Variants in PDE1A observed in about 807,000 individuals in gnomAD.
PDE1A encodes dual specificity calcium/calmodulin-dependent 3',5'-cyclic nucleotide phosphodiesterase 1A.
PDE1A carries 35 observed loss-of-function variants against 61.7 expected under a neutral mutation model. That is an observed-to-expected ratio of 0.57 (90% CI 0.43 to 0.75). PDE1A has a LOEUF of 0.75. PDE1A is among the 30% of genes least tolerant of loss of function. The pLI is 0.00. For synonymous variants in PDE1A, 232 were observed against 213.2 expected (o/e 1.09, Z -0.77); for missense variants, 597 against 630.6 (o/e 0.95, Z 0.57).
At chr2:182,696,384 T>C in the PDE1A span, among the ~76,000 whole-genome samples, 10 of 152,180 alleles carry the variant, frequency 6.6e-5, no homozygotes, top group Non-Finnish European at 1.3e-4. Context: ...TACTGTATGA[T>C]TCCAACTACA....
rs748519072 is a variant in PDE1A, at chr2:182,385,659, G to GA, written c.53+40918dup. Among the ~76,000 whole-genome samples, 40 of 95,034 alleles carry GA rather than the reference G, an allele frequency of 4.2e-4. 1 individual carries two copies. Among genetic ancestry groups the GA allele is most frequent in the East Asian group, 1.4e-3 (3 of 2,166 alleles). The allele number at this position is 95,034 out of a possible 152,430, so 62.3% of individuals were successfully genotyped here. On this transcript the variant is annotated intron_variant, in intron 1 of 13. Transcript: ENST00000351439. Reference sequence around the variant, plus strand: ...AAAGAAGAAGAAAGAAAGAAAGAAAGAAGAAAAAAAGAAAGAAAAGAAAGA... The same window carrying GA: ...AAAGAAGAAGAAAGAAAGAAAGAAAGAAAGAAAAAAAGAAAGAAAAGAAAGA...
chr2:182,481,835 A>G (rs1687719938), intron 2 of PDE1A, among the ~76,000 whole-genome samples: 1 of 151,928 alleles, frequency 6.6e-6, no homozygotes, highest in Admixed American at 6.6e-5. Context: ...AGAATGAGAA[A>G]GTCCCATACT....
At chr2:182,348,384 G>A (rs1260026503) in intron 1 of PDE1A, among the ~76,000 whole-genome samples, 2 of 152,050 alleles carry the variant, frequency 1.3e-5, no homozygotes, top group East Asian at 1.9e-4. Flanking sequence ...CATTGAACAT[G>A]TATAGAACAA....
chr2:182,210,034 C>T (rs1250215046), intron 7 of PDE1A, among the ~76,000 whole-genome samples: 1 of 151,454 alleles, frequency 6.6e-6, no homozygotes, highest in Non-Finnish European at 1.5e-5. Flanking sequence ...TTTATTTATT[C>T]AGTCACCTAC....
chr2:182,298,953 A>G (rs1695059357), intron 1 of PDE1A, among the ~76,000 whole-genome samples: 1 of 152,064 alleles, frequency 6.6e-6, no homozygotes, highest in South Asian at 2.1e-4. Context: ...TTTGACTACA[A>G]CGGAAATTTA....
the PDE1A span, among the ~76,000 whole-genome samples, chr2:182,668,776 C>T: frequency 6.6e-6 from 1 of 152,224 alleles, no homozygotes; most frequent in East Asian, 1.9e-4. Context: ...TCACCATTTC[C>T]TGGCTCCCCA....
the PDE1A span, among the ~76,000 whole-genome samples, chr2:182,714,024 C>T: frequency 6.6e-6 from 1 of 152,230 alleles, no homozygotes; most frequent in East Asian, 1.9e-4. Context: ...ATCTGACTCA[C>T]TCTAACTTCC....
the PDE1A span, among the ~76,000 whole-genome samples, chr2:182,623,862 A>C: frequency 6.6e-6 from 1 of 152,192 alleles, no homozygotes; most frequent in Non-Finnish European, 1.5e-5. Context: ...GCGGTGGCTC[A>C]CGCCTGTAAC....
At chr2:182,333,158 T>A (rs1303733220) in intron 1 of PDE1A, among the ~76,000 whole-genome samples, 1 of 152,156 alleles carries the variant, frequency 6.6e-6, no homozygotes, top group Admixed American at 6.5e-5. Flanking sequence ...ACTGTCAATA[T>A]TAGACAGATC....
the PDE1A span, among the ~76,000 whole-genome samples, chr2:182,538,493 T>A: frequency 6.6e-6 from 1 of 152,104 alleles, no homozygotes; most frequent in Non-Finnish European, 1.5e-5. Context: ...TTATTGTTTA[T>A]TTTTTCTCCA....
At chr2:182,617,314 C>T in the PDE1A span, among the ~76,000 whole-genome samples, 3 of 152,168 alleles carry the variant, frequency 2.0e-5, no homozygotes, top group Non-Finnish European at 4.4e-5. Context: ...CAACACCCCA[C>T]ACATGTTGTC....
At chr2:182,550,903 G>GCCCA in the PDE1A span, among the ~76,000 whole-genome samples, 1 of 152,078 alleles carries the variant, frequency 6.6e-6, no homozygotes, top group Non-Finnish European at 1.5e-5. Context: ...TTGTATGTAA[G>GCCCA]TTCTGTTCAC....
In PDE1A at chr2:182,522,398, C is replaced by T. The variant is rs771524347; in HGVS notation, c.-10-12G>A. ...CCATGATGATGCTCCTAAGACAATA[C>T]AGTTACAGTCAGTTTCAGCAGCTAG... On this transcript the variant is annotated splice_polypyrimidine_tract_variant and intron_variant, in intron 1 of 14. Transcript: ENST00000410103. The T allele has an allele frequency of 2.4e-5, 38 of 1,612,652 alleles. No homozygotes were observed. In the South Asian group the frequency reaches 4.1e-4, roughly 17 times the overall value.
chr2:182,680,666 G>A, the PDE1A span, among the ~76,000 whole-genome samples: 1 of 152,104 alleles, frequency 6.6e-6, no homozygotes, highest in Non-Finnish European at 1.5e-5. Context: ...AGTTTGTGAC[G>A]TTTCACAGCT....
rs973425115 is a variant in PDE1A, at chr2:182,348,776, G to A, written c.53+77802C>T. ...AACCTTACCTTGTGACAGAGCTTTG[G>A]GCTACTAGATGTCTGAGAGGGTAAT... On this transcript the variant is annotated intron_variant, in intron 1 of 13. Transcript: ENST00000351439. Among the ~76,000 whole-genome samples the A allele has an allele frequency of 2.0e-5, 3 of 151,256 alleles. No homozygotes were observed. The Admixed American group carries it at 2.0e-4, about 10-fold the overall frequency.
At chr2:182,647,109 C>A in the PDE1A span, among the ~76,000 whole-genome samples, 1 of 152,036 alleles carries the variant, frequency 6.6e-6, no homozygotes, top group Non-Finnish European at 1.5e-5. Flanking sequence ...TGGAACTGAC[C>A]GAATTAGGAT....
chr2:182,685,732 A>G, the PDE1A span, among the ~76,000 whole-genome samples: 7 of 152,276 alleles, frequency 4.6e-5, no homozygotes, highest in Admixed American at 4.6e-4. Flanking sequence ...TTCAAGGCTC[A>G]CCCTAAACCA....
chr2:182,496,852 C>T (rs866499549), intron 2 of PDE1A, among the ~76,000 whole-genome samples: 1 of 152,296 alleles, frequency 6.6e-6, no homozygotes, highest in East Asian at 1.9e-4. Flanking sequence ...CCCTGACTTC[C>T]GGCTCCTATA....
chr2:182,326,358 T>C (rs1022872106), intron 1 of PDE1A, among the ~76,000 whole-genome samples: 1 of 152,190 alleles, frequency 6.6e-6, no homozygotes, highest in East Asian at 1.9e-4. Flanking sequence ...GTATGACATA[T>C]GCATACAATG....
Sources: gnomAD v4.1 joint callset for allele counts (sites outside exome capture counted in the v4.1 genomes callset) on GRCh38, gnomAD v4.1.1 for gene constraint, MANE v1.5 for transcripts, NCBI Gene and HGNC (gene_info 2026-07-23, HGNC 2026-07-21) for gene names.